VWC2L: variants seen among roughly 807,000 people sequenced by gnomAD.
The protein encoded by VWC2L is von Willebrand factor C domain-containing protein 2-like.
VWC2L carries 10 observed loss-of-function variants against 21.6 expected under a neutral mutation model. The ratio of observed to expected loss-of-function variants is 0.46; its 90% CI spans 0.29 to 0.78. The LOEUF (loss-of-function observed/expected upper bound fraction) is 0.78. VWC2L is among the 30% of genes least tolerant of loss of function. The pLI is 0.10. For missense variants in VWC2L, 209 were observed against 277.1 expected, an observed-to-expected ratio of 0.75 and a Z score of 1.74; for synonymous variants, 96 against 94.3, an observed-to-expected ratio of 1.02 and a Z score of -0.10.
chr2:214,495,710 T>G (rs1688802374), intron 3 of VWC2L, among the ~76,000 whole-genome samples: 1 of 152,140 alleles, frequency 6.6e-6, no homozygotes, highest in Non-Finnish European at 1.5e-5. Flanking sequence ...TGTAAAAGTA[T>G]TTGCTTACCT....
At chr2:214,539,053 G>A (rs1233911038) in intron 3 of VWC2L, among the ~76,000 whole-genome samples, 1 of 152,088 alleles carries the variant, frequency 6.6e-6, no homozygotes. Flanking sequence ...CTGCTGCAAT[G>A]CTGCCTCATA....
At chr2:214,531,314 G>A (rs1207909550) in intron 3 of VWC2L, among the ~76,000 whole-genome samples, 1 of 152,106 alleles carries the variant, frequency 6.6e-6, no homozygotes, top group Non-Finnish European at 1.5e-5. Context: ...TTTTTCTACT[G>A]AGGATATAAG....
At chr2:214,451,311 G>GGA (rs1553586400) in intron 3 of VWC2L, among the ~76,000 whole-genome samples, 2 of 150,000 alleles carry the variant, frequency 1.3e-5, no homozygotes, top group Non-Finnish European at 3.0e-5. Context: ...GTCGGTGTGG[G>GGA]GGGGGGGGGC....
intron 3 of VWC2L, among the ~76,000 whole-genome samples, chr2:214,568,583 G>C (rs1690103355): frequency 6.6e-6 from 1 of 152,132 alleles, no homozygotes; most frequent in Admixed American, 6.6e-5. Context: ...GCCAGCAAGA[G>C]AGCTTGTGTA....
intron 3 of VWC2L, among the ~76,000 whole-genome samples, chr2:214,448,187 G>A (rs1702868114): frequency 6.6e-6 from 1 of 152,120 alleles, no homozygotes; most frequent in Non-Finnish European, 1.5e-5. Context: ...CCCCATGAAA[G>A]CAAAGATTTC....
intron 3 of VWC2L, among the ~76,000 whole-genome samples, chr2:214,551,583 A>G (rs1574632120): frequency 6.6e-6 from 1 of 152,196 alleles, no homozygotes; most frequent in Admixed American, 6.5e-5. Flanking sequence ...GTTAATGACT[A>G]TGATTGACTC....
intron 3 of VWC2L, among the ~76,000 whole-genome samples, chr2:214,452,216 C>T (rs1162103766): frequency 6.6e-6 from 1 of 152,104 alleles, no homozygotes; most frequent in Non-Finnish European, 1.5e-5. Flanking sequence ...AGTGCAGTGG[C>T]ACAATCACAG....
chr2:214,552,666 A>G (rs969086374), intron 3 of VWC2L, among the ~76,000 whole-genome samples: 4 of 152,112 alleles, frequency 2.6e-5, no homozygotes, highest in African/African-American at 9.7e-5. Context: ...TCACGACTTA[A>G]ATGTTAGTTC....
At chr2:214,450,462 A>G (rs1193192414) in intron 3 of VWC2L, among the ~76,000 whole-genome samples, 1 of 152,258 alleles carries the variant, frequency 6.6e-6, no homozygotes, top group Non-Finnish European at 1.5e-5. Flanking sequence ...TAAAATTTGC[A>G]TAATGAATGT....
At chr2:214,537,796 C>T (rs1689559512) in intron 3 of VWC2L, among the ~76,000 whole-genome samples, 2 of 151,708 alleles carry the variant, frequency 1.3e-5, no homozygotes, top group Non-Finnish European at 2.9e-5. Context: ...TTTGTTCATA[C>T]TTTCAAATTA....
chr2:214,513,234 C>T (rs1376980309), intron 3 of VWC2L, among the ~76,000 whole-genome samples: 2 of 152,116 alleles, frequency 1.3e-5, no homozygotes, highest in Non-Finnish European at 2.9e-5. Flanking sequence ...TCAATCATTT[C>T]ATGCACTAGA....
chr2:214,427,051 T>C (rs1468265464), intron 2 of VWC2L, among the ~76,000 whole-genome samples: 1 of 152,180 alleles, frequency 6.6e-6, no homozygotes, highest in Non-Finnish European at 1.5e-5. Context: ...TTTTGCCAAT[T>C]TAGAGATTAA....
intron 3 of VWC2L, chr2:214,534,237 T>C (rs1431647424): frequency 6.6e-6 from 1 of 152,574 alleles, no homozygotes; most frequent in African/African-American, 2.4e-5. Flanking sequence ...TGTCGCATCC[T>C]AATGCCAATT....
intron 3 of VWC2L, among the ~76,000 whole-genome samples, chr2:214,537,775 G>A (rs193085365): frequency 3.3e-5 from 5 of 152,044 alleles, no homozygotes; most frequent in African/African-American, 7.2e-5. Flanking sequence ...AATATATTCA[G>A]GCCTTTTTTA....
At chr2:214,550,509 C>G (rs1689776942) in intron 3 of VWC2L, among the ~76,000 whole-genome samples, 2 of 152,174 alleles carry the variant, frequency 1.3e-5, no homozygotes. Flanking sequence ...CATATCATCT[C>G]TTTCTGCTTC....
intron 3 of VWC2L, among the ~76,000 whole-genome samples, chr2:214,499,009 C>CTTTTTTTTTTTTTTTTT (rs56085205): frequency 1.2e-5 from 1 of 83,422 alleles, no homozygotes; most frequent in African/African-American, 6.1e-5. Flanking sequence ...TCGTACCATT[C>CTTTTTTTTTTTTTTTTT]TTTTTTTTTT....
At chr2:214,528,145 T>G (rs1003054192) in intron 3 of VWC2L, among the ~76,000 whole-genome samples, 2 of 152,218 alleles carry the variant, frequency 1.3e-5, no homozygotes, top group African/African-American at 4.8e-5. Context: ...TGAGACTGCT[T>G]TATCTCTTGG....
In VWC2L at chr2:214,480,308, A is replaced by G. The variant is rs73987353; in HGVS notation, c.520+43550A>G. On this transcript the variant is annotated intron_variant, in intron 3 of 3. Coordinates refer to ENST00000312504, the MANE Select transcript of VWC2L (RefSeq NM_001080500.4). ...AACTAGAAAAAACCTAAAGTCCCAG[A>G]TGTTTGTGATATGTTTTAAAGTTAT... 8.4e-3 allele frequency among the ~76,000 whole-genome samples: 1,278 copies of G among 152,310 alleles called. 21 individuals carry two copies. The highest frequency in any genetic ancestry group is 0.029 in the African/African-American group (1,203 of 41,566).
intron 2 of VWC2L, among the ~76,000 whole-genome samples, chr2:214,415,751 C>A (rs904536869): frequency 2.0e-5 from 3 of 152,064 alleles, no homozygotes; most frequent in Non-Finnish European, 4.4e-5. Context: ...CCCAAGAATA[C>A]CCAGTCATTG....
Sources: gnomAD v4.1 joint callset for allele counts (sites outside exome capture counted in the v4.1 genomes callset) on GRCh38, gnomAD v4.1.1 for gene constraint, MANE v1.5 for transcripts, NCBI Gene and HGNC (gene_info 2026-07-23, HGNC 2026-07-21) for gene names.